ATP9A: variants seen among roughly 807,000 people sequenced by gnomAD.
ATP9A encodes the protein ATPase phospholipid transporting 9A, also known as probable phospholipid-transporting ATPase IIA.
ATP9A carries 52 observed loss-of-function variants against 144.1 expected under a neutral mutation model. The ratio of observed to expected loss-of-function variants is 0.36; its 90% confidence interval spans 0.29 to 0.45. The LOEUF is 0.45. Among genes scored for constraint, ATP9A ranks in the 20% least tolerant of loss-of-function variants. The pLI, the probability that ATP9A is intolerant of heterozygous loss-of-function variation, is 1.00. For missense variants in ATP9A, 947 were observed against 1,392.7 expected, an observed-to-expected ratio of 0.68 and a Z score of 5.09; for synonymous variants, 582 against 557.4, an observed-to-expected ratio of 1.04 and a Z score of -0.62.
At chr20:51,646,820 T>C (rs756140950) in intron 14 of ATP9A, among the ~76,000 whole-genome samples, 26 of 152,072 alleles carry the variant, frequency 1.7e-4, no homozygotes, top group Non-Finnish European at 3.7e-4. Flanking sequence ...GACAGTGGCA[T>C]AAAAGGTCAC....
chr20:51,664,620 A>T (rs1274642402), intron 13 of ATP9A, among the ~76,000 whole-genome samples: 1 of 152,162 alleles, frequency 6.6e-6, no homozygotes, highest in Admixed American at 6.6e-5. Context: ...AAATAAGAAA[A>T]CAAAATGAAA....
At chr20:51,608,056 A>AAAAAAAGAAT (rs1198561483) in intron 25 of ATP9A, among the ~76,000 whole-genome samples, 2 of 151,934 alleles carry the variant, frequency 1.3e-5, no homozygotes, top group Non-Finnish European at 2.9e-5. Flanking sequence ...AAAAAAAAAA[A>AAAAAAAGAAT]AAAAGAATTA....
At chr20:51,693,927 T>C (rs6021389) in intron 7 of ATP9A, 81 bp downstream of exon 7, 317,366 of 1,255,018 alleles carry the variant, frequency 0.25, 41,914 homozygotes, top group African/African-American at 0.29. Flanking sequence ...TGCCATCCCA[T>C]GCCTGGCCCC....
At chr20:51,719,881 T>A (rs2077681352) in intron 3 of ATP9A, among the ~76,000 whole-genome samples, 1 of 152,028 alleles carries the variant, frequency 6.6e-6, no homozygotes, top group Non-Finnish European at 1.5e-5. Context: ...AACCCCCATC[T>A]CTACTAAAAA....
chr20:51,677,476 A>G (rs1328023863), intron 9 of ATP9A, among the ~76,000 whole-genome samples: 1 of 152,188 alleles, frequency 6.6e-6, no homozygotes, highest in African/African-American at 2.4e-5. Flanking sequence ...GTACTGGTGA[A>G]TGCTGGTCTA....
intron 15 of ATP9A, among the ~76,000 whole-genome samples, 167 bp downstream of exon 15, chr20:51,639,176 C>G (rs910186487): frequency 6.6e-6 from 1 of 152,142 alleles, no homozygotes; most frequent in Non-Finnish European, 1.5e-5. Context: ...CGGGGTGTGT[C>G]CAATGAATGA....
At chr20:51,660,675 G>A (rs942400659) in intron 13 of ATP9A, among the ~76,000 whole-genome samples, 3 of 152,204 alleles carry the variant, frequency 2.0e-5, no homozygotes, top group African/African-American at 7.2e-5. Flanking sequence ...CACACCAAAT[G>A]GTCATGCGCA....
chr20:51,635,701 C>CA (rs2077287755), intron 15 of ATP9A, among the ~76,000 whole-genome samples: 1 of 150,662 alleles, frequency 6.6e-6, no homozygotes, highest in African/African-American at 2.5e-5. Flanking sequence ...TATGCCACCG[C>CA]ACTCCACCCT....
At chr20:51,679,039 T>A (rs1422984017) in intron 9 of ATP9A, among the ~76,000 whole-genome samples, 10 of 150,392 alleles carry the variant, frequency 6.6e-5, no homozygotes, top group African/African-American at 1.2e-4. Flanking sequence ...AAAAAAAAAA[T>A]GAGGCCGGGC....
intron 26 of ATP9A, among the ~76,000 whole-genome samples, chr20:51,606,690 G>C (rs150576473): frequency 1.3e-5 from 2 of 152,164 alleles, no homozygotes; most frequent in Admixed American, 6.5e-5. Flanking sequence ...GCAGGGACTC[G>C]TGGCTCACAG....
Position 51,610,111 on chromosome 20 carries a change from G to C in ATP9A, c.2626C>G (p.Leu876Val), listed in dbSNP as rs2077179315. The change falls in exon 24 of 28, where the codon CTC becomes GTC. Residue 876 changes from leucine to valine, a missense_variant. By Grantham distance (32) the Leu-to-Val change is conservative. Coordinates refer to ENST00000338821, the MANE Select transcript of ATP9A (RefSeq NM_006045.3). ...FASVPLYQGF[L>V]IIGYSTIYTM... ...GCAGGATTTCCTTACCCAATGATGAGGAATCCTTGATAGAGAGGGACGGAG... is the reference window on the plus strand; with the variant it reads ...GCAGGATTTCCTTACCCAATGATGACGAATCCTTGATAGAGAGGGACGGAG... 1 of 1,601,388 alleles carries C rather than the reference G, an allele frequency of 6.2e-7. No individual in the cohort carries two copies. Among genetic ancestry groups the C allele is most frequent in the African/African-American group, 1.3e-5 (1 of 74,574 alleles).
chr20:51,600,454 A>G lies in ATP9A; in HGVS notation c.*757T>C, dbSNP rs939879649. The G allele has an allele frequency of 5.3e-5, 8 of 152,212 alleles. No homozygotes were observed. Among genetic ancestry groups the G allele is most frequent in the African/African-American group, 1.7e-4 (7 of 41,430 alleles). 9.4% of individuals were successfully genotyped at this position (152,212 alleles called of 1,614,324 possible). A position where few individuals can be genotyped will look rare whatever the true frequency, so the allele number is the denominator to read the frequency against. On this transcript the variant is annotated 3_prime_UTR_variant, in exon 28 of 28. Transcript: ENST00000338821. ...GCTTTGTGATTGTTACCAGGTCCCA[A>G]TAAAGCGGGATCACACCTCTGAAAT...
At position 51,598,805 on chromosome 20, in the gene ATP9A, C is replaced by T. The variant is rs138943183; in HGVS notation, c.*2406G>A. On this transcript the variant is annotated 3_prime_UTR_variant, in exon 28 of 28. Coordinates refer to ENST00000338821, the MANE Select transcript of ATP9A (RefSeq NM_006045.3). ...TGTTCAGGGACCGTCCAGTGAATGG[C>T]GTCAGCCAGCTGCCCACTGATGGGA... 0.016 allele frequency: 2,505 copies of T among 152,404 alleles called. 59 individuals carry two copies. Among genetic ancestry groups the T allele is most frequent in the African/African-American group, 0.056 (2,345 of 41,576 alleles). 9.4% of individuals were successfully genotyped at this position (152,404 alleles called of 1,614,324 possible). A position where few individuals can be genotyped will look rare whatever the true frequency, so the allele number is the denominator to read the frequency against.
At chr20:51,683,477 G>GT (rs2077509303) in intron 9 of ATP9A, among the ~76,000 whole-genome samples, 1 of 151,816 alleles carries the variant, frequency 6.6e-6, no homozygotes, top group African/African-American at 2.4e-5. Context: ...TAGAGACGGG[G>GT]TTCACCGTGT....
chr20:51,751,516 C>G (rs1313182706), intron 1 of ATP9A, among the ~76,000 whole-genome samples: 1 of 152,226 alleles, frequency 6.6e-6, no homozygotes, highest in African/African-American at 2.4e-5. Context: ...CCCACCTCCG[C>G]CTCTCAAAAT....
At chr20:51,650,902 T>TAC (rs10666493) in intron 14 of ATP9A, among the ~76,000 whole-genome samples, 2,130 of 149,208 alleles carry the variant, frequency 0.014, 38 homozygotes, top group African/African-American at 0.042. Context: ...ACATCACACA[T>TAC]ACACACACAC....
intron 4 of ATP9A, among the ~76,000 whole-genome samples, chr20:51,712,289 T>C (rs2077642860): frequency 1.3e-5 from 2 of 152,100 alleles, no homozygotes; most frequent in African/African-American, 2.4e-5. Flanking sequence ...TTAGCCAGGA[T>C]GGTCTCGATC....
At chr20:51,739,501 G>A (rs968210497) in intron 1 of ATP9A, among the ~76,000 whole-genome samples, 1 of 151,382 alleles carries the variant, frequency 6.6e-6, no homozygotes, top group African/African-American at 2.4e-5. Context: ...ACAGGCACCC[G>A]CCACCATGCC....
chr20:51,630,293 A>C lies in ATP9A; in HGVS notation c.1669-1221T>G, dbSNP rs551165351. ...TGGGAGGTGGGAGGCAGTAAAGATAAGCAAGAAAACTGAGCATGGCCATCA... is the reference window on the plus strand; with the variant it reads ...TGGGAGGTGGGAGGCAGTAAAGATACGCAAGAAAACTGAGCATGGCCATCA... On this transcript the variant is annotated intron_variant, in intron 15 of 27. Coordinates refer to ENST00000338821, the MANE Select transcript of ATP9A (RefSeq NM_006045.3). 2.0e-5 allele frequency among the ~76,000 whole-genome samples: 3 copies of C among 152,336 alleles called. No individual in the cohort carries two copies. In the East Asian group the frequency reaches 5.8e-4, roughly 29 times the overall value.
Sources: allele counts gnomAD v4.1 joint callset (sites outside exome capture counted in the v4.1 genomes callset), GRCh38; gene constraint gnomAD v4.1.1; transcripts MANE v1.5; gene names NCBI Gene and HGNC (gene_info 2026-07-23, HGNC 2026-07-21).